The following PLEC variants were observed in gnomAD, a reference collection of about 807,000 sequenced individuals.
PLEC encodes the protein hemidesmosomal protein 1.
Under a neutral mutation model 392.8 loss-of-function variants are expected in PLEC, and 216 were observed. The observed-to-expected ratio is 0.55, with a 90% CI of 0.49 to 0.62. The LOEUF is 0.62. PLEC is among the 20% of genes least tolerant of loss of function. The pLI is 0.00. For synonymous variants in PLEC, 3,621 were observed against 2,980.6 expected (o/e 1.21, Z -7.00); for missense variants, 6,863 against 6,563.4 (o/e 1.05, Z -1.58).
In PLEC at chr8:143,973,504, A is replaced by G. The variant is rs1554745042; in HGVS notation, c.-32T>C. ...GGGCGCGGGGCGCGGGGTGCAGCGG[A>G]GCCTCCAGCACCCGGCGGCCACTCT... On this transcript the variant is annotated 5_prime_UTR_variant, in exon 1 of 32. Coordinates refer to the PLEC transcript ENST00000356346. This position sits in a 1 kb window ranked among gnomAD's most constrained non-coding sequence, Gnocchi z 5.6. 1 of 1,467,376 alleles carries G rather than the reference A, an allele frequency of 6.8e-7. No individual in the cohort carries two copies. The highest frequency in any genetic ancestry group is 9.0e-7 in the Non-Finnish European group (1 of 1,105,624). The allele number at this position is 1,467,376 out of a possible 1,614,324, so 90.9% of individuals were successfully genotyped here. A position where few individuals can be genotyped will look rare whatever the true frequency, so the allele number is the denominator to read the frequency against.
At chr8:143,938,119 G>T (rs1554724975) in intron 3 of PLEC, 32 bp downstream of exon 3, 1 of 1,531,520 alleles carries the variant, frequency 6.5e-7, no homozygotes, top group Non-Finnish European at 8.9e-7. Flanking sequence ...GGTGGGGCAG[G>T]CGGGGCCCGG....
chr8:143,925,584 G>C lies in PLEC; in HGVS notation c.4345C>G (p.Arg1449Gly). The C allele has an allele frequency of 6.4e-7, 1 of 1,574,044 alleles. No homozygotes were observed. Among genetic ancestry groups the C allele is most frequent in the African/African-American group, 1.3e-5 (1 of 74,318 alleles). ...ACCACGCGGATCTCCTCCTCGATGC[G>C]CAGCCGGCTGCGCTCAGCCGCCTCT... is the stretch of plus-strand genomic sequence containing the variant. ...QAEAAERSRL[R>G]IEEEIRVVRL... Residue 1449 changes from arginine to glycine, a missense_variant, in exon 31 of 32, where the codon CGC (arginine) becomes GGC (glycine). Coordinates refer to ENST00000345136, the MANE Select transcript of PLEC (RefSeq NM_201384.3).
rs747942292 is a variant in PLEC at position 143,916,087 on chromosome 8, G to A, written c.*90C>T. The stretch of plus-strand genomic sequence containing the variant: ...GTTAAACTTTAGGCACCACTTGGGA[G>A]GAAGACACCTTTAAGCGTTGAAAAC... On this transcript the variant is annotated 3_prime_UTR_variant, in exon 32 of 32. Coordinates refer to ENST00000345136, the MANE Select transcript of PLEC (RefSeq NM_201384.3). The A allele has an allele frequency of 3.5e-6, 3 of 847,290 alleles. No individual in the cohort carries two copies. Among genetic ancestry groups the A allele is most frequent in the Non-Finnish European group, 5.3e-6 (3 of 567,066 alleles). 52.5% of individuals were successfully genotyped at this position (847,290 alleles called of 1,614,324 possible).
chr8:143,974,860 T>C (rs999891445), upstream of PLEC, among the ~76,000 whole-genome samples: 2 of 152,192 alleles, frequency 1.3e-5, no homozygotes, highest in Admixed American at 6.5e-5. This position sits in a 1 kb window ranked among gnomAD's most constrained non-coding sequence, Gnocchi z 5.9. Flanking sequence ...CTGGCCGCCA[T>C]TGTGGCAGCC....
upstream of PLEC, chr8:143,944,578 C>T: frequency 1.0e-6 from 1 of 999,476 alleles, no homozygotes; most frequent in Non-Finnish European, 1.4e-6. Flanking sequence ...AGCCTCAGCC[C>T]CAGCCCTCTG....
At position 143,927,461 on chromosome 8, in the gene PLEC, G is replaced by T. The variant is rs1554707501; in HGVS notation, c.3705C>A (p.Ala1235=). ...DARRRQEQIQ[A]MPLADSQAVR... ...CAGCCTGGCTGTCGGCCAGCGGCATGGCCTGGATCTGCTCCTGCCGCCGCC... is the reference window on the plus strand; with the variant it reads ...CAGCCTGGCTGTCGGCCAGCGGCATTGCCTGGATCTGCTCCTGCCGCCGCC... The change falls in exon 27 of 32, where the codon GCC becomes GCA. Residue 1235 remains alanine (A), a synonymous_variant. Coordinates refer to ENST00000345136, the MANE Select transcript of PLEC (RefSeq NM_201384.3). 1 of 1,598,146 alleles carries T rather than the reference G, an allele frequency of 6.3e-7. No individual in the cohort carries two copies. The highest frequency in any genetic ancestry group is 8.5e-7 in the Non-Finnish European group (1 of 1,178,458).
At chr8:143,946,786 A>T (rs1229898442) in intron 1 of PLEC, among the ~76,000 whole-genome samples, 2 of 97,430 alleles carry the variant, frequency 2.1e-5, no homozygotes, top group Non-Finnish European at 3.9e-5. Context: ...CCAGGCATCC[A>T]TGTGCCCAGC....
At position 143,933,308 on chromosome 8, in the gene PLEC, C is replaced by A; in HGVS notation, c.1307G>T (p.Gly436Val). Residue 436 changes from glycine (G) to valine (V), a missense_variant, in exon 13 of 32, where the codon GGG becomes GTG. Physicochemically the swap from Gly to Val is moderately radical, Grantham distance 109. Coordinates refer to ENST00000345136, the MANE Select transcript of PLEC (RefSeq NM_201384.3). ...LAAGKVPQRA[G>V]EVERDLDKAD... ...CTTGTCCAAGTCCCGTTCCACCTCC[C>A]CCGCCCGCTGTGGCACTTTGCCTGC... is the stretch of plus-strand genomic sequence containing the variant. 6.2e-7 allele frequency: 1 copy of A among 1,612,906 alleles called. No homozygotes were observed. The highest frequency in any genetic ancestry group is 1.1e-5 in the South Asian group (1 of 91,092).
At position 143,927,075 on chromosome 8, in the gene PLEC, C is replaced by T; in HGVS notation, c.3847G>A (p.Glu1283Lys). 1.9e-6 allele frequency: 3 copies of T among 1,610,644 alleles called. No individual in the cohort carries two copies. Among genetic ancestry groups the T allele is most frequent in the East Asian group, 2.2e-5 (1 of 44,880 alleles). ...KQYINAIKDY[E>K]LQLVTYKAQL... Reference sequence around the variant, plus strand: ...GCCTTGTACGTCACCAGCTGGAGTTCATAGTCCTGTGGCAATGCACTGCGG... The same window carrying T: ...GCCTTGTACGTCACCAGCTGGAGTTTATAGTCCTGTGGCAATGCACTGCGG... The change falls in exon 29 of 32, where the codon GAA becomes AAA. Residue 1283 changes from glutamate to lysine, a missense_variant. By Grantham distance (56) the Glu-to-Lys change is moderately conservative (BLOSUM62 1). Transcript: ENST00000345136.
At chr8:143,973,564 G>T, upstream of PLEC, 1 of 1,014,546 alleles carries the variant, frequency 9.9e-7, no homozygotes. This position sits in a 1 kb window ranked among gnomAD's most constrained non-coding sequence, Gnocchi z 5.6. Flanking sequence ...TAAAGAGGCC[G>T]CCCCCGCCCC....
Position 143,932,437 on chromosome 8 carries a change from C to A in PLEC, c.1940G>T (p.Arg647Leu), listed in dbSNP as rs782103383. 1.2e-5 allele frequency: 19 copies of A among 1,612,814 alleles called. No homozygotes were observed. The highest frequency in any genetic ancestry group is 1.6e-5 in the Non-Finnish European group (19 of 1,179,974). ...EEEVGFDWSD[R>L]NTNMTAKKES... ...CTTCTTGGCGGTCATGTTGGTGTTG[C>A]GGTCGCTCCAGTCGAAGCCCACCTC... The change falls in exon 16 of 32, where the codon CGC becomes CTC. Residue 647 changes from arginine to leucine, a missense_variant. By Grantham distance (102) the Arg-to-Leu change is moderately radical (BLOSUM62 -2). Coordinates refer to ENST00000345136, the MANE Select transcript of PLEC (RefSeq NM_201384.3).
In PLEC at chr8:143,927,463, C is replaced by T; in HGVS notation, c.3703G>A (p.Ala1235Thr). Residue 1235 changes from alanine (A) to threonine (T), a missense_variant, in exon 27 of 32, where the codon GCC becomes ACC. Physicochemically the swap from Ala to Thr is moderately conservative, Grantham distance 58 (BLOSUM62 0). Coordinates refer to ENST00000345136, the MANE Select transcript of PLEC (RefSeq NM_201384.3). Reference sequence around the variant, plus strand: ...GCCTGGCTGTCGGCCAGCGGCATGGCCTGGATCTGCTCCTGCCGCCGCCTG... The same window carrying T: ...GCCTGGCTGTCGGCCAGCGGCATGGTCTGGATCTGCTCCTGCCGCCGCCTG... ...DARRRQEQIQ[A>T]MPLADSQAVR... 1 of 1,597,968 alleles carries T rather than the reference C, an allele frequency of 6.3e-7. No individual in the cohort carries two copies. Among genetic ancestry groups the T allele is most frequent in the Non-Finnish European group, 8.5e-7 (1 of 1,178,468 alleles).
Position 143,921,696 on chromosome 8 carries a change from T to G in PLEC, c.8125A>C (p.Lys2709Gln), listed in dbSNP as rs1554686733. The G allele has an allele frequency of 1.2e-6, 2 of 1,612,936 alleles. No individual in the cohort carries two copies. The highest frequency in any genetic ancestry group is 1.7e-6 in the Non-Finnish European group (2 of 1,179,896). ...AGLLLKATNE[K>Q]LSVYAALQRQ... ...TGCAGGGCGGCGTAAACACTCAGCTTCTCATTGGTGGCCTTCAGCAACAGC... is the reference window on the plus strand; with the variant it reads ...TGCAGGGCGGCGTAAACACTCAGCTGCTCATTGGTGGCCTTCAGCAACAGC... The change falls in exon 32 of 32, where the codon AAG (lysine) becomes CAG (glutamine). Residue 2709 changes from lysine (K) to glutamine (Q), a missense_variant. Physicochemically the swap from Lys to Gln is moderately conservative, Grantham distance 53. Transcript: ENST00000345136.
Position 143,923,087 on chromosome 8 carries a change from G to A in PLEC, c.6842C>T (p.Ala2281Val), listed in dbSNP as rs371130595. Residue 2281 changes from alanine (A) to valine (V), a missense_variant, in exon 31 of 32, where the codon GCG (alanine) becomes GTG (valine). Transcript: ENST00000345136. The part of the protein sequence containing the change: ...EKMKQVAEEA[A>V]RLSVAAQEAA... The stretch of plus-strand genomic sequence containing the variant: ...CTCTTGGGCCGCCACACTCAGCCGC[G>A]CGGCCTCCTCCGCCACCTGCTTCAT... 1.3e-4 allele frequency: 212 copies of A among 1,607,052 alleles called. No individual in the cohort carries two copies. Among genetic ancestry groups the A allele is most frequent in the Non-Finnish European group, 1.5e-4 (181 of 1,179,692 alleles).
intron 1 of PLEC, among the ~76,000 whole-genome samples, chr8:143,968,297 A>G (rs2132937269): frequency 6.6e-6 from 1 of 152,242 alleles, no homozygotes; most frequent in South Asian, 2.1e-4. Context: ...CGTGCTTCAA[A>G]GGACACCACC....
chr8:143,954,280 C>T (rs897822737), upstream of PLEC, among the ~76,000 whole-genome samples: 2 of 152,186 alleles, frequency 1.3e-5, no homozygotes, highest in South Asian at 2.1e-4. The surrounding 1 kb of genome is among the most constrained non-coding windows in gnomAD (Gnocchi z 4.6). Flanking sequence ...AGATCAAGCC[C>T]CCAGACCCTG....
In PLEC at chr8:143,935,254, T is replaced by C. The variant is rs1564153716; in HGVS notation, c.662A>G (p.Gln221Arg). 5.6e-6 allele frequency: 9 copies of C among 1,612,070 alleles called. No homozygotes were observed. Among genetic ancestry groups the C allele is most frequent in the Non-Finnish European group, 6.8e-6 (8 of 1,179,942 alleles). ...YRQTNLENLDQAFSVAERDLG... is the reference protein window; with the variant it reads ...YRQTNLENLDRAFSVAERDLG... ...GTCCCGCTCCGCCACAGAGAAGGCC[T>C]GGTCCAGGTTCTCCAGGTTGGTCTG... The change falls in exon 7 of 32, where the codon CAG (glutamine) becomes CGG (arginine). Residue 221 changes from glutamine to arginine, a missense_variant. Coordinates refer to ENST00000345136, the MANE Select transcript of PLEC (RefSeq NM_201384.3).
intron 1 of PLEC, chr8:143,945,114 G>C: frequency 4.9e-6 from 2 of 411,338 alleles, no homozygotes; most frequent in Non-Finnish European, 9.6e-6. Flanking sequence ...GGGGCCAAGA[G>C]AAGAGGCCGC....
In PLEC at chr8:143,930,104, C is replaced by T. The variant is rs369017570; in HGVS notation, c.2612+40G>A. The T allele has an allele frequency of 1.9e-4, 310 of 1,600,486 alleles. No individual in the cohort carries two copies. In the African/African-American group the frequency reaches 2.0e-3, roughly 11 times the overall value. On this transcript the variant is annotated intron_variant, in intron 21 of 31. Coordinates refer to ENST00000345136, the MANE Select transcript of PLEC (RefSeq NM_201384.3). ...ACAGTCAGCGTCACCAGCGCCCCAC[C>T]CGCCTTCCAGCCCCCACCTGCTGAG...
Sources: gnomAD v4.1 joint callset for allele counts (sites outside exome capture counted in the v4.1 genomes callset) on GRCh38, gnomAD v4.1.1 for gene constraint, Gnocchi (gnomAD v3.1) non-coding constraint, MANE v1.5 for transcripts, NCBI Gene and HGNC (gene_info 2026-07-23, HGNC 2026-07-21) for gene names.